The following TENM1 variants were observed in gnomAD, a reference collection of about 807,000 sequenced individuals.
TENM1 encodes the protein teneurin-1.
Under a neutral mutation model 174.8 loss-of-function variants are expected in TENM1, and 35 were observed. The ratio of observed to expected loss-of-function variants is 0.20; its 90% confidence interval spans 0.15 to 0.27. The LOEUF is 0.27. Among genes scored for constraint, TENM1 ranks in the 10% least tolerant of loss-of-function variants. TENM1 has a pLI of 1.00. For missense variants in TENM1, 1,633 were observed against 2,130.1 expected, an observed-to-expected ratio of 0.77 and a Z score of 4.59; for synonymous variants, 781 against 798.7, an observed-to-expected ratio of 0.98 and a Z score of 0.37.
At chrX:125,163,336 G>C in the TENM1 span, among the ~76,000 whole-genome samples, 2 of 110,082 alleles carry the variant, frequency 1.8e-5, no homozygotes, top group Non-Finnish European at 3.8e-5. Context: ...AACTTACTTG[G>C]CATTGCCAAT....
At chrX:125,198,585 G>C in the TENM1 span, among the ~76,000 whole-genome samples, 191 of 111,666 alleles carry the variant, frequency 1.7e-3, no homozygotes, top group African/African-American at 5.5e-3. Flanking sequence ...TCAGGAAAAT[G>C]ACAGAGATGG....
intron 22 of TENM1, among the ~76,000 whole-genome samples, chrX:124,472,898 A>G (rs971954414): frequency 9.0e-6 from 1 of 111,686 alleles, no homozygotes; most frequent in African/African-American, 3.3e-5. Context: ...ACCATCTTGT[A>G]TTGATGGTGG....
intron 20 of TENM1, among the ~76,000 whole-genome samples, chrX:124,494,639 T>A (rs2047147908): frequency 9.2e-6 from 1 of 108,487 alleles, no homozygotes; most frequent in East Asian, 2.9e-4. Flanking sequence ...ATTAGGTATA[T>A]CTCCCAATGC....
intron 3 of TENM1, among the ~76,000 whole-genome samples, chrX:124,814,726 C>T (rs1448162558): frequency 9.0e-6 from 1 of 111,078 alleles, no homozygotes; most frequent in African/African-American, 3.3e-5. Context: ...CCTGGTTAGA[C>T]CTTTACTGAT....
At chrX:124,852,480 GA>G (rs1260355512) in intron 3 of TENM1, among the ~76,000 whole-genome samples, 1 of 110,934 alleles carries the variant, frequency 9.0e-6, no homozygotes, top group Non-Finnish European at 1.9e-5. Context: ...CAGGGGAGAA[GA>G]AGAAGCCTAG....
rs147769555 is a variant in TENM1 at position 124,808,738 on chromosome X, T to C, written c.536-71541A>G. ...TGCTCTGGAATAACCAGTGGGCCAA[T>C]GATGAAATTAAAAGGGCAATTTAAA... On this transcript the variant is annotated intron_variant, in intron 3 of 31. Coordinates refer to ENST00000422452, the Ensembl canonical transcript of TENM1. Among the ~76,000 whole-genome samples, 90 of 111,676 alleles carry C rather than the reference T, an allele frequency of 8.1e-4. 1 individual carries two copies. The highest frequency in any genetic ancestry group is 2.9e-3 in the African/African-American group (88 of 30,820).
chrX:125,019,657 A>G, the TENM1 span, among the ~76,000 whole-genome samples: 4 of 110,918 alleles, frequency 3.6e-5, no homozygotes, highest in Non-Finnish European at 7.6e-5. Flanking sequence ...ATTTAGAAAA[A>G]AAGTCTGGCT....
the TENM1 span, among the ~76,000 whole-genome samples, chrX:125,071,661 G>A: frequency 3.6e-5 from 4 of 110,782 alleles, no homozygotes; most frequent in African/African-American, 1.3e-4. Flanking sequence ...TAAGATCCAC[G>A]TCCTTCACTA....
At chrX:124,988,072 C>T in the TENM1 span, among the ~76,000 whole-genome samples, 1 of 111,077 alleles carries the variant, frequency 9.0e-6, no homozygotes, top group Non-Finnish European at 1.9e-5. Context: ...GGTATTAAGC[C>T]TTTTGTAGTA....
chrX:124,584,552 G>A (rs1408520667), intron 11 of TENM1, among the ~76,000 whole-genome samples: 9 of 111,318 alleles, frequency 8.1e-5, no homozygotes, highest in Non-Finnish European at 9.4e-5. Context: ...ACATGGAAAG[G>A]AACAACTGGC....
chrX:124,994,559 G>A, the TENM1 span, among the ~76,000 whole-genome samples: 2 of 110,384 alleles, frequency 1.8e-5, no homozygotes, highest in Non-Finnish European at 1.9e-5. Flanking sequence ...CAAAACAATC[G>A]CAGTTCTATA....
At chrX:125,199,926 G>T in the TENM1 span, among the ~76,000 whole-genome samples, 1 of 111,141 alleles carries the variant, frequency 9.0e-6, no homozygotes, top group Non-Finnish European at 1.9e-5. Context: ...AAGCAATTTT[G>T]CTGGTCTTGC....
intron 3 of TENM1, among the ~76,000 whole-genome samples, chrX:124,881,598 G>T (rs1247885508): frequency 1.8e-5 from 2 of 109,788 alleles, no homozygotes; most frequent in Non-Finnish European, 3.8e-5. Flanking sequence ...TAATTCTTTG[G>T]GGTGCCTGAT....
At chrX:124,404,122 C>T (rs780830128) in intron 27 of TENM1, among the ~76,000 whole-genome samples, 48 of 111,484 alleles carry the variant, frequency 4.3e-4, no homozygotes, top group Non-Finnish European at 8.1e-4. Context: ...ATTTTATATT[C>T]GAGTGCTATT....
At chrX:124,561,364 C>A (rs2048815401) in intron 14 of TENM1, among the ~76,000 whole-genome samples, 2 of 110,890 alleles carry the variant, frequency 1.8e-5, no homozygotes, top group South Asian at 7.8e-4. Flanking sequence ...TTACTATCCC[C>A]ACCCAGAGCA....
At position 124,620,786 on chromosome X, in the gene TENM1, A is replaced by G. The variant is rs564770757; in HGVS notation, c.2077+21005T>C. Among the ~76,000 whole-genome samples the G allele has an allele frequency of 5.3e-5, 6 of 112,293 alleles. 1 individual carries two copies. Among genetic ancestry groups the G allele is most frequent in the African/African-American group, 1.3e-4 (4 of 30,938 alleles). On this transcript the variant is annotated intron_variant, in intron 11 of 31. Transcript: ENST00000422452. ...GCTTAATATATTCTTGTTGTCTTAC[A>G]TAGAGCCTGAGTCAAGTTTTCTCCA... is the stretch of plus-strand genomic sequence containing the variant.
At chrX:124,402,063 G>C (rs2060406739) in intron 27 of TENM1, among the ~76,000 whole-genome samples, 1 of 112,153 alleles carries the variant, frequency 8.9e-6, no homozygotes, top group African/African-American at 3.2e-5. Flanking sequence ...TGCCATGCTA[G>C]GTGAGGACCT....
the TENM1 span, among the ~76,000 whole-genome samples, chrX:125,052,142 G>A: frequency 8.9e-6 from 1 of 111,909 alleles, no homozygotes; most frequent in African/African-American, 3.2e-5. Flanking sequence ...AAACCACAAG[G>A]AGAAATGTAG....
the TENM1 span, among the ~76,000 whole-genome samples, chrX:124,992,564 C>T: frequency 9.0e-6 from 1 of 110,993 alleles, no homozygotes; most frequent in Non-Finnish European, 1.9e-5. Context: ...TGTAACTTTC[C>T]CTCTTCCTTT....
Sources: gnomAD v4.1 joint callset for allele counts (sites outside exome capture counted in the v4.1 genomes callset) on GRCh38, gnomAD v4.1.1 for gene constraint, MANE v1.5 for transcripts, NCBI Gene and HGNC (gene_info 2026-07-23, HGNC 2026-07-21) for gene names.